The following EPB41L4A variants were observed in gnomAD, a reference collection of about 807,000 sequenced individuals.
EPB41L4A encodes band 4.1-like protein 4A.
EPB41L4A carries 100 observed loss-of-function variants against 108.6 expected under a neutral mutation model. That is an observed-to-expected ratio of 0.92 (90% CI 0.78 to 1.09). EPB41L4A has a LOEUF of 1.09. Among genes scored for constraint, EPB41L4A ranks in the 50% least tolerant of loss-of-function variants. The pLI, the probability that EPB41L4A is intolerant of heterozygous loss-of-function variation, is 0.00. For synonymous variants in EPB41L4A, 319 were observed against 289.0 expected (o/e 1.10, Z -1.05); for missense variants, 1,030 against 842.7 (o/e 1.22, Z -2.75).
At chr5:112,368,050 CTACTT>C (rs1358727956) in intron 1 of EPB41L4A, among the ~76,000 whole-genome samples, 1 of 152,190 alleles carries the variant, frequency 6.6e-6, no homozygotes, top group Admixed American at 6.5e-5. Flanking sequence ...TGTACAGAGA[CTACTT>C]GAGGGAAAAA....
intron 8 of EPB41L4A, 134 bp downstream of exon 8, chr5:112,259,757 A>T: frequency 1.5e-6 from 1 of 671,940 alleles, no homozygotes; most frequent in Non-Finnish European, 2.7e-6. Flanking sequence ...GAGAAAACTC[A>T]CACCCAATTT....
At position 112,165,010 on chromosome 5, in the gene EPB41L4A, G is replaced by C; in HGVS notation, c.2041C>G (p.Arg681Gly). ...AKTIKTIQASRLKTET is the reference protein window; with the variant it reads ...AKTIKTIQASGLKTET Reference sequence around the variant, plus strand: ...CAGGATCAAGTCTCTGTCTTGAGGCGGGAAGCTTGTATAGTTTTTATTGTT... The same window carrying C: ...CAGGATCAAGTCTCTGTCTTGAGGCCGGAAGCTTGTATAGTTTTTATTGTT... Residue 681 changes from arginine (R) to glycine (G), a missense_variant, in exon 23 of 23, where the codon CGC (arginine) becomes GGC (glycine). By Grantham distance (125) the Arg-to-Gly change is moderately radical. Coordinates refer to ENST00000261486, the MANE Select transcript of EPB41L4A (RefSeq NM_022140.5). 1 of 1,613,714 alleles carries C rather than the reference G, an allele frequency of 6.2e-7. No homozygotes were observed. The highest frequency in any genetic ancestry group is 8.5e-7 in the Non-Finnish European group (1 of 1,179,892).
intron 1 of EPB41L4A, among the ~76,000 whole-genome samples, chr5:112,383,353 C>T (rs997403465): frequency 1.3e-5 from 2 of 152,074 alleles, no homozygotes; most frequent in Admixed American, 6.5e-5. Flanking sequence ...GCATTTAAAA[C>T]GTAACCAAAA....
chr5:112,385,340 T>C (rs181993126), intron 1 of EPB41L4A, among the ~76,000 whole-genome samples: 1 of 152,104 alleles, frequency 6.6e-6, no homozygotes, highest in East Asian at 1.9e-4. Context: ...AGTATGGGCA[T>C]AGTATGGAAA....
At position 112,165,233 on chromosome 5, in the gene EPB41L4A, AG is replaced by A; in HGVS notation, c.1933-116del. On this transcript the variant is annotated intron_variant, in intron 22 of 22. Coordinates refer to ENST00000261486, the MANE Select transcript of EPB41L4A (RefSeq NM_022140.5). ...ATTTAAGATACTGAGTTAATTCAAA[AG>A]TTTCATAATACCAAAAGCTATTCAA... 1.1e-5 allele frequency: 8 copies of A among 760,270 alleles called. No homozygotes were observed. The South Asian group carries it at 1.5e-4, about 15-fold the overall frequency. 47.1% of individuals were successfully genotyped at this position (760,270 alleles called of 1,614,324 possible).
At chr5:112,212,833 TAAGAA>T (rs1365592514) in intron 12 of EPB41L4A, among the ~76,000 whole-genome samples, 1 of 152,076 alleles carries the variant, frequency 6.6e-6, no homozygotes, top group Non-Finnish European at 1.5e-5. Context: ...GTAACTAGCT[TAAGAA>T]AAGACCTAGG....
chr5:112,408,001 T>C (rs1762170553), intron 1 of EPB41L4A, among the ~76,000 whole-genome samples: 1 of 152,200 alleles, frequency 6.6e-6, no homozygotes, highest in Non-Finnish European at 1.5e-5. Context: ...CTCTGTTGAA[T>C]TACCCACATC....
intron 1 of EPB41L4A, among the ~76,000 whole-genome samples, chr5:112,383,822 A>G (rs1354831664): frequency 6.6e-6 from 1 of 152,248 alleles, no homozygotes; most frequent in Non-Finnish European, 1.5e-5. Flanking sequence ...AAAACAGTCA[A>G]CAAACTATAT....
chr5:112,166,086 A>G (rs1444846512), intron 22 of EPB41L4A, among the ~76,000 whole-genome samples: 1 of 152,206 alleles, frequency 6.6e-6, no homozygotes, highest in Non-Finnish European at 1.5e-5. Flanking sequence ...AATAAGTACT[A>G]TGTTGTAAGT....
At chr5:112,418,493 C>T (rs766305579) in intron 1 of EPB41L4A, among the ~76,000 whole-genome samples, 3 of 151,914 alleles carry the variant, frequency 2.0e-5, no homozygotes, top group East Asian at 1.9e-4. Flanking sequence ...CACAATGACC[C>T]ATTAATGCGT....
chr5:112,179,207 T>C (rs1761024766), intron 18 of EPB41L4A, among the ~76,000 whole-genome samples: 1 of 152,136 alleles, frequency 6.6e-6, no homozygotes, highest in African/African-American at 2.4e-5. Flanking sequence ...ATTTGTAATT[T>C]AAAACCTTCC....
chr5:112,170,879 T>G, intron 19 of EPB41L4A, 66 bp downstream of exon 19: 2 of 1,427,652 alleles, frequency 1.4e-6, no homozygotes, highest in Admixed American at 1.7e-5. Context: ...GTATCAGGAG[T>G]CTTCCTTGCA....
chr5:112,272,196 G>A (rs528598136), intron 4 of EPB41L4A, among the ~76,000 whole-genome samples: 8 of 144,724 alleles, frequency 5.5e-5, no homozygotes, highest in South Asian at 2.2e-4. Flanking sequence ...GTGCAGTGCC[G>A]CAATCTTGGC....
intron 1 of EPB41L4A, among the ~76,000 whole-genome samples, chr5:112,334,035 G>C (rs1756762083): frequency 6.6e-6 from 1 of 152,154 alleles, no homozygotes; most frequent in Admixed American, 6.5e-5. Context: ...GATGGGAACG[G>C]GTTGCGGGGT....
chr5:112,270,365 C>T (rs999286336), intron 4 of EPB41L4A, among the ~76,000 whole-genome samples: 2 of 152,098 alleles, frequency 1.3e-5, no homozygotes, highest in African/African-American at 4.8e-5. Flanking sequence ...TGATCGTTAC[C>T]TTCATCCCAC....
chr5:112,147,641 A>T (rs199570790), intron 12 of EPB41L4A, among the ~76,000 whole-genome samples: 1 of 126,714 alleles, frequency 7.9e-6, no homozygotes. Context: ...CTGTCTCAAG[A>T]AAAAAAAAAA....
At chr5:112,297,807 CTTGAG>C (rs1754096633) in intron 2 of EPB41L4A, among the ~76,000 whole-genome samples, 1 of 152,118 alleles carries the variant, frequency 6.6e-6, no homozygotes, top group Non-Finnish European at 1.5e-5. Context: ...CTTGATCCAT[CTTGAG>C]TTGATTTTTG....
chr5:112,217,707 A>G (rs1375657079), intron 12 of EPB41L4A, among the ~76,000 whole-genome samples: 1 of 152,160 alleles, frequency 6.6e-6, no homozygotes, highest in Admixed American at 6.5e-5. Flanking sequence ...TTAAAACACA[A>G]AAAATGTTTC....
At chr5:112,419,355 C>T, upstream of EPB41L4A, 1 of 332,038 alleles carries the variant, frequency 3.0e-6, no homozygotes. Context: ...GGGGCCCCTC[C>T]CGCAGTCCTG....
Sources: gnomAD v4.1 joint callset for allele counts (sites outside exome capture counted in the v4.1 genomes callset) on GRCh38, gnomAD v4.1.1 for gene constraint, MANE v1.5 for transcripts, NCBI Gene and HGNC (gene_info 2026-07-23, HGNC 2026-07-21) for gene names.